PACSIN1: variants seen among roughly 807,000 people sequenced by gnomAD.
The protein encoded by PACSIN1 is protein kinase C and casein kinase substrate in neurons protein 1.
PACSIN1 carries 15 observed loss-of-function variants against 59.5 expected under a neutral mutation model. The ratio of observed to expected loss-of-function variants is 0.25; its 90% confidence interval spans 0.17 to 0.39. PACSIN1 has a LOEUF of 0.39. Among genes scored for constraint, PACSIN1 ranks in the 10% least tolerant of loss-of-function variants. PACSIN1 has a pLI of 1.00. For synonymous variants in PACSIN1, 210 were observed against 220.6 expected, an observed-to-expected ratio of 0.95 and a Z score of 0.42; for missense variants, 420 against 580.2, an observed-to-expected ratio of 0.72 and a Z score of 2.84.
Position 34,532,581 on chromosome 6 carries a change from C to T in PACSIN1, c.*51C>T. 1.0e-6 allele frequency: 1 copy of T among 995,926 alleles called. No homozygotes were observed. The highest frequency in any genetic ancestry group is 1.5e-5 in the South Asian group (1 of 67,484). 61.7% of individuals were successfully genotyped at this position (995,926 alleles called of 1,614,324 possible). ...CACTCCTCCCCACTGCCGCCCCTCC[C>T]CTCCCACTCTCGTCTCCTTCCCCTC... On this transcript the variant is annotated 3_prime_UTR_variant, in exon 10 of 10. Transcript: ENST00000244458. The surrounding 1 kb of genome is among the most constrained non-coding windows in gnomAD (Gnocchi z 5.2).
intron 1 of PACSIN1, among the ~76,000 whole-genome samples, chr6:34,478,535 G>A (rs1334318646): frequency 6.6e-6 from 1 of 150,850 alleles, no homozygotes; most frequent in Non-Finnish European, 1.5e-5. Context: ...ACCACACCTG[G>A]CTAATTTTTG....
intron 1 of PACSIN1, among the ~76,000 whole-genome samples, chr6:34,501,807 G>T (rs1767028401): frequency 6.6e-6 from 1 of 152,086 alleles, no homozygotes; most frequent in Non-Finnish European, 1.5e-5. Context: ...GAGGAGGGTG[G>T]ATCAAGAGGT....
chr6:34,487,533 G>T (rs912230468), intron 1 of PACSIN1, among the ~76,000 whole-genome samples: 1 of 152,202 alleles, frequency 6.6e-6, no homozygotes, highest in African/African-American at 2.4e-5. Flanking sequence ...CAGGAGGTTT[G>T]GATGCAGGAG....
intron 1 of PACSIN1, among the ~76,000 whole-genome samples, chr6:34,492,797 A>G (rs998286837): frequency 6.6e-6 from 1 of 152,254 alleles, no homozygotes; most frequent in Non-Finnish European, 1.5e-5. Flanking sequence ...GGAATAGTAG[A>G]CACCATGGAC....
chr6:34,498,641 C>T (rs1766980981), intron 1 of PACSIN1, among the ~76,000 whole-genome samples: 1 of 151,556 alleles, frequency 6.6e-6, no homozygotes. Flanking sequence ...TGACTAAATA[C>T]ACAAAAAAAT....
In PACSIN1 at chr6:34,514,559, C is replaced by T. The variant is rs111992631; in HGVS notation, c.-63-11684C>T. Reference sequence around the variant, plus strand: ...GGAAAGGTGCAGCTGTCTGGAAGGACGATTGGGAGGTGGGATCTTGGGGAG... The same window carrying T: ...GGAAAGGTGCAGCTGTCTGGAAGGATGATTGGGAGGTGGGATCTTGGGGAG... On this transcript the variant is annotated intron_variant, in intron 1 of 9. Coordinates refer to ENST00000244458, the MANE Select transcript of PACSIN1 (RefSeq NM_020804.5). This position sits in a 1 kb window ranked among gnomAD's most constrained non-coding sequence, Gnocchi z 4.4. Among the ~76,000 whole-genome samples, 566 of 152,124 alleles carry T rather than the reference C, an allele frequency of 3.7e-3. 4 individuals carry two copies. The highest frequency in any genetic ancestry group is 0.017 in the Middle Eastern group (5 of 294).
chr6:34,531,821 G>C lies in PACSIN1; in HGVS notation c.1225+34G>C. On this transcript the variant is annotated intron_variant, in intron 9 of 9. Transcript: ENST00000244458. This position sits in a 1 kb window ranked among gnomAD's most constrained non-coding sequence, Gnocchi z 4.4. The stretch of plus-strand genomic sequence containing the variant: ...GCTGGGCGGGGCAGTGCCTGAGAGA[G>C]GCTTGGGCCTGGATTGGGTGTGTGG... 6.5e-7 allele frequency: 1 copy of C among 1,532,540 alleles called. No homozygotes were observed. Among genetic ancestry groups the C allele is most frequent in the Admixed American group, 2.0e-5 (1 of 49,344 alleles). 94.9% of individuals were successfully genotyped at this position (1,532,540 alleles called of 1,614,324 possible). A position where few individuals can be genotyped will look rare whatever the true frequency, so the allele number is the denominator to read the frequency against.
chr6:34,531,803 G>A lies in PACSIN1; in HGVS notation c.1225+16G>A, dbSNP rs745473361. On this transcript the variant is annotated intron_variant, in intron 9 of 9. Transcript: ENST00000244458. The surrounding 1 kb of genome is among the most constrained non-coding windows in gnomAD (Gnocchi z 4.4). Reference sequence around the variant, plus strand: ...TTTAAGGCCGGTAGGACGGCTGGGCGGGGCAGTGCCTGAGAGAGGCTTGGG... The same window carrying A: ...TTTAAGGCCGGTAGGACGGCTGGGCAGGGCAGTGCCTGAGAGAGGCTTGGG... 2 of 1,546,482 alleles carry A rather than the reference G, an allele frequency of 1.3e-6. No homozygotes were observed. The highest frequency in any genetic ancestry group is 1.9e-5 in the Admixed American group (1 of 51,846).
At chr6:34,527,793 G>A (rs1767517564) in intron 3 of PACSIN1, 1 of 240,506 alleles carries the variant, frequency 4.2e-6, no homozygotes, top group Non-Finnish European at 8.0e-6. Context: ...CTGGCCCCAC[G>A]TTTTCTCACT....
intron 1 of PACSIN1, among the ~76,000 whole-genome samples, chr6:34,498,899 G>A (rs567592296): frequency 1.3e-4 from 19 of 151,742 alleles, no homozygotes; most frequent in South Asian, 4.2e-4. Context: ...GGGCCCCAGC[G>A]TTTTTGGCAC....
chr6:34,529,719 G>T lies in PACSIN1; in HGVS notation c.666G>T (p.Gln222His), dbSNP rs1767555488. The stretch of plus-strand genomic sequence containing the variant: ...AAGATGTGGGCAAGACCACACCCCA[G>T]TACATGGAGAACATGGAGCAGGTGT... ...VLEDVGKTTP[Q>H]YMENMEQVFE... Residue 222 changes from glutamine to histidine, a missense_variant, in exon 6 of 10, where the codon CAG (glutamine) becomes CAT (histidine). Gln to His is a conservative substitution (Grantham distance 24). Transcript: ENST00000244458. The surrounding 1 kb of genome is among the most constrained non-coding windows in gnomAD (Gnocchi z 6.3). The T allele has an allele frequency of 6.2e-6, 10 of 1,614,164 alleles. No homozygotes were observed. Among genetic ancestry groups the T allele is most frequent in the Non-Finnish European group, 6.8e-6 (8 of 1,180,020 alleles).
In PACSIN1 at chr6:34,535,168, T is replaced by C. The variant is rs1378754125; in HGVS notation, c.*2638T>C. On this transcript the variant is annotated 3_prime_UTR_variant, in exon 10 of 10. Transcript: ENST00000244458. ...ATTTAAAGGTATATAAATACAAATATATATATATATCAGTTGTGATTGTAT... is the reference window on the plus strand; with the variant it reads ...ATTTAAAGGTATATAAATACAAATACATATATATATCAGTTGTGATTGTAT... 4 of 152,206 alleles carry C rather than the reference T, an allele frequency of 2.6e-5. No individual in the cohort carries two copies. The highest frequency in any genetic ancestry group is 4.4e-5 in the Non-Finnish European group (3 of 68,034). The allele number at this position is 152,206 out of a possible 1,614,324, so 9.4% of individuals were successfully genotyped here.
intron 4 of PACSIN1, 30 bp downstream of exon 4, chr6:34,528,907 T>A: frequency 4.0e-6 from 1 of 250,436 alleles, no homozygotes. Flanking sequence ...ACGGGCGGGG[T>A]GGGGTGGGCC....
At chr6:34,512,517 C>A (rs1767220564) in intron 1 of PACSIN1, among the ~76,000 whole-genome samples, 1 of 152,172 alleles carries the variant, frequency 6.6e-6, no homozygotes, top group Non-Finnish European at 1.5e-5. Flanking sequence ...CCTCCTCACT[C>A]TCTAGGAAGC....
chr6:34,470,538 C>T (rs1050049811), intron 1 of PACSIN1, among the ~76,000 whole-genome samples: 35 of 151,878 alleles, frequency 2.3e-4, no homozygotes, highest in Non-Finnish European at 1.5e-5. Flanking sequence ...TTTTTAGAGG[C>T]AGGGTCTTGC....
chr6:34,499,610 A>G (rs1209852884), intron 1 of PACSIN1, among the ~76,000 whole-genome samples: 2 of 152,060 alleles, frequency 1.3e-5, no homozygotes, highest in Non-Finnish European at 2.9e-5. Context: ...CCTGGCCAAC[A>G]TGGTGAAACC....
intron 1 of PACSIN1, among the ~76,000 whole-genome samples, chr6:34,519,486 G>T (rs1313156745): frequency 6.6e-6 from 1 of 152,148 alleles, no homozygotes; most frequent in Non-Finnish European, 1.5e-5. Context: ...CTTTCATGGG[G>T]GACCTGGAGA....
intron 1 of PACSIN1, among the ~76,000 whole-genome samples, chr6:34,483,331 A>G (rs1377791429): frequency 2.0e-5 from 3 of 152,088 alleles, no homozygotes; most frequent in Non-Finnish European, 4.4e-5. Context: ...CTAGAAGTCA[A>G]CCTAAGGTCC....
Position 34,532,361 on chromosome 6 carries a change from C to A in PACSIN1, c.1226-60C>A, listed in dbSNP as rs1011949012. The A allele has an allele frequency of 1.8e-5, 20 of 1,133,666 alleles. No homozygotes were observed. Among genetic ancestry groups the A allele is most frequent in the Non-Finnish European group, 7.8e-6 (6 of 769,376 alleles). 70.2% of individuals were successfully genotyped at this position (1,133,666 alleles called of 1,614,324 possible). A position where few individuals can be genotyped will look rare whatever the true frequency, so the allele number is the denominator to read the frequency against. ...GGTATTGGAGGGTTCCCCTAGCAGC[C>A]GGTGCGTTGAGGGAGGGGCAGCCTT... is the stretch of plus-strand genomic sequence containing the variant. On this transcript the variant is annotated intron_variant, in intron 9 of 9. Coordinates refer to ENST00000244458, the MANE Select transcript of PACSIN1 (RefSeq NM_020804.5). The surrounding 1 kb of genome is among the most constrained non-coding windows in gnomAD (Gnocchi z 5.2).
Sources: gnomAD v4.1 joint callset for allele counts (sites outside exome capture counted in the v4.1 genomes callset) on GRCh38, gnomAD v4.1.1 for gene constraint, Gnocchi (gnomAD v3.1) non-coding constraint, MANE v1.5 for transcripts, NCBI Gene and HGNC (gene_info 2026-07-23, HGNC 2026-07-21) for gene names.